Variants in ATG7 observed in about 807,000 individuals in gnomAD.
The protein encoded by ATG7 is ubiquitin-like modifier-activating enzyme ATG7.
In ATG7, 70 loss-of-function variants were observed where a neutral mutation model predicts 82.4. The observed-to-expected ratio is 0.85, with a 90% CI of 0.70 to 1.04. The LOEUF is 1.04. Ranked by LOEUF, ATG7 falls within the 50% of genes least tolerant of loss-of-function variation. The probability of loss-of-function intolerance (pLI) is 0.00; values close to 1 mark genes in which losing one functional copy is unlikely to be tolerated. For missense variants in ATG7, 792 were observed against 864.3 expected (o/e 0.92, Z 1.05); for synonymous variants, 287 against 313.0 (o/e 0.92, Z 0.88).
the ATG7 span, among the ~76,000 whole-genome samples, chr3:11,573,963 G>A: frequency 6.6e-6 from 1 of 152,134 alleles, no homozygotes; most frequent in African/African-American, 2.4e-5. Context: ...CACATACGGA[G>A]GGAAGAAGAT....
In ATG7 at chr3:11,521,897, T is replaced by C. The variant is rs112304206; in HGVS notation, c.2080-32914T>C. Among the ~76,000 whole-genome samples, 973 of 152,228 alleles carry C rather than the reference T, an allele frequency of 6.4e-3. 9 individuals carry two copies. The highest frequency in any genetic ancestry group is 9.9e-3 in the Non-Finnish European group (671 of 68,008). ...GGGAATTTTCCTGACATGGAATGAC[T>C]CTAGACTGCCGCCGCTGCCGACAAC... On this transcript the variant is annotated intron_variant, in intron 20 of 20. Coordinates refer to ENST00000693202, the MANE Select transcript of ATG7 (RefSeq NM_001349232.2).
intron 1 of ATG7, among the ~76,000 whole-genome samples, chr3:11,273,668 A>C (rs1399653520): frequency 6.6e-6 from 1 of 152,232 alleles, no homozygotes; most frequent in Non-Finnish European, 1.5e-5. Context: ...TGAATAAAAC[A>C]AATATTTGCC....
At chr3:11,310,590 A>T (rs1948490789) in intron 7 of ATG7, among the ~76,000 whole-genome samples, 1 of 151,240 alleles carries the variant, frequency 6.6e-6, no homozygotes, top group Non-Finnish European at 1.5e-5. Context: ...TACTTGGCTC[A>T]GTTTGGCATT....
At chr3:11,527,061 GTGTGTGTGTGTA>G (rs1269397375) in intron 20 of ATG7, among the ~76,000 whole-genome samples, 166 of 103,896 alleles carry the variant, frequency 1.6e-3, no homozygotes, top group South Asian at 5.3e-3. Context: ...GTGTGTGTGT[GTGTGTGTGTGTA>G]TATATATATA....
intron 19 of ATG7, among the ~76,000 whole-genome samples, chr3:11,404,464 A>G (rs1285359750): frequency 2.6e-5 from 4 of 151,636 alleles, no homozygotes; most frequent in Non-Finnish European, 5.9e-5. Flanking sequence ...CCAGCCTTCA[A>G]TGCTCAGCCA....
At chr3:11,479,039 C>CACACACAA (rs1384580179) in intron 20 of ATG7, among the ~76,000 whole-genome samples, 2 of 149,498 alleles carry the variant, frequency 1.3e-5, no homozygotes, top group African/African-American at 5.0e-5. Flanking sequence ...CACACACACA[C>CACACACAA]AATTTTTTAC....
At position 11,413,743 on chromosome 3, in the gene ATG7, CAT is replaced by C. The variant is rs558207350; in HGVS notation, c.1957-13059_1957-13058del. ...TTTGGTGTCAGGCTACTGCTGGCCT[CAT>C]AGAATGACTTAGGAAGTGTTCCATC... is the stretch of plus-strand genomic sequence containing the variant. On this transcript the variant is annotated intron_variant, in intron 19 of 20. Transcript: ENST00000693202. Among the ~76,000 whole-genome samples, 28 of 152,298 alleles carry C rather than the reference CAT, an allele frequency of 1.8e-4. 1 individual carries two copies. The South Asian group carries it at 5.6e-3, about 30-fold the overall frequency.
At chr3:11,475,202 G>A (rs2088008409) in intron 20 of ATG7, among the ~76,000 whole-genome samples, 1 of 152,066 alleles carries the variant, frequency 6.6e-6, no homozygotes, top group South Asian at 2.1e-4. Context: ...CTAATGATGT[G>A]TAACAATAAT....
At chr3:11,449,759 C>T (rs1274797690) in intron 20 of ATG7, among the ~76,000 whole-genome samples, 1 of 152,158 alleles carries the variant, frequency 6.6e-6, no homozygotes. Flanking sequence ...CCTTTGTGCC[C>T]TCAAACACTA....
chr3:11,431,996 A>AT (rs2082936506), intron 20 of ATG7, among the ~76,000 whole-genome samples: 1 of 152,212 alleles, frequency 6.6e-6, no homozygotes, highest in Non-Finnish European at 1.5e-5. Context: ...GATTGCAATG[A>AT]TTTTGAACTA....
Position 11,365,054 on chromosome 3 carries a change from G to T in ATG7, c.1875+320G>T, listed in dbSNP as rs576945820. ...CAATGGTTTAAATCCCAGCCCTGCC[G>T]TTATAAAGATGGCCTTCTTTGGCCA... On this transcript the variant is annotated intron_variant, in intron 18 of 20. Coordinates refer to ENST00000693202, the MANE Select transcript of ATG7 (RefSeq NM_001349232.2). Among the ~76,000 whole-genome samples the T allele has an allele frequency of 9.8e-5, 15 of 152,290 alleles. No homozygotes were observed. The South Asian group carries it at 3.1e-3, about 32-fold the overall frequency.
intron 13 of ATG7, among the ~76,000 whole-genome samples, chr3:11,343,053 C>T (rs551981956): frequency 2.6e-5 from 4 of 152,124 alleles, no homozygotes; most frequent in East Asian, 1.9e-4. Context: ...CTCAACTTCC[C>T]GAGTAGCTGG....
intron 11 of ATG7, among the ~76,000 whole-genome samples, chr3:11,334,568 C>T (rs1404240131): frequency 6.6e-6 from 1 of 151,642 alleles, no homozygotes; most frequent in Non-Finnish European, 1.5e-5. Flanking sequence ...TAGCTTGTTC[C>T]TTATATCATC....
intron 20 of ATG7, among the ~76,000 whole-genome samples, chr3:11,525,500 C>A (rs1264948576): frequency 7.4e-6 from 1 of 134,588 alleles, no homozygotes. Flanking sequence ...GACAGATGCT[C>A]ATTTGTTTGT....
At chr3:11,565,162 G>A in the ATG7 span, 117 of 850,800 alleles carry the variant, frequency 1.4e-4, 1 homozygote, top group South Asian at 1.1e-3. This position sits in a 1 kb window ranked among gnomAD's most constrained non-coding sequence, Gnocchi z 4.1. Context: ...ATGAGGAGCC[G>A]GTTGCCAGCC....
intron 20 of ATG7, among the ~76,000 whole-genome samples, chr3:11,431,080 A>G (rs932430859): frequency 1.3e-5 from 2 of 152,192 alleles, no homozygotes; most frequent in Admixed American, 6.5e-5. Flanking sequence ...TAATAGCTTT[A>G]TTGAGTTATA....
At chr3:11,341,773 T>TA (rs1424411490) in intron 12 of ATG7, among the ~76,000 whole-genome samples, 4 of 152,164 alleles carry the variant, frequency 2.6e-5, no homozygotes, top group Admixed American at 6.5e-5. Flanking sequence ...TGGGAGGCCT[T>TA]ATTAAGGAGA....
intron 10 of ATG7, 113 bp from the exon 11 acceptor site, chr3:11,332,859 T>G (rs1951847752): frequency 9.0e-7 from 1 of 1,113,562 alleles, no homozygotes; most frequent in South Asian, 2.9e-5. Context: ...GAGGCATAAT[T>G]AGAATGCATT....
chr3:11,273,979 C>T (rs761689459), intron 1 of ATG7, among the ~76,000 whole-genome samples: 3 of 152,126 alleles, frequency 2.0e-5, no homozygotes, highest in Non-Finnish European at 4.4e-5. Context: ...CTTTCCCATC[C>T]CCCAACGCTG....
Sources: allele counts gnomAD v4.1 joint callset (sites outside exome capture counted in the v4.1 genomes callset), GRCh38; gene constraint gnomAD v4.1.1; non-coding constraint Gnocchi (gnomAD v3.1); transcripts MANE v1.5; gene names NCBI Gene and HGNC (gene_info 2026-07-23, HGNC 2026-07-21).